Variants in MPP7 observed in about 807,000 individuals in gnomAD.
MPP7 encodes MAGUK p55 subfamily member 7.
Under a neutral mutation model 76.5 loss-of-function variants are expected in MPP7, and 60 were observed. The observed-to-expected ratio is 0.78, with a 90% CI of 0.64 to 0.97. The LOEUF (loss-of-function observed/expected upper bound fraction) is 0.97. Ranked by LOEUF, MPP7 falls within the 50% of genes least tolerant of loss-of-function variation. The probability of loss-of-function intolerance (pLI) is 0.00; values close to 1 mark genes in which losing one functional copy is unlikely to be tolerated. For missense variants in MPP7, 641 were observed against 694.0 expected (o/e 0.92, Z 0.86); for synonymous variants, 237 against 244.5 (o/e 0.97, Z 0.29).
At chr10:28,103,400 A>G (rs1175665988) in intron 11 of MPP7, among the ~76,000 whole-genome samples, 1 of 150,650 alleles carries the variant, frequency 6.6e-6, no homozygotes, top group Non-Finnish European at 1.5e-5. Context: ...GAACACATGC[A>G]TCCTGTCTCA....
upstream of MPP7, among the ~76,000 whole-genome samples, chr10:28,334,761 A>T (rs1030827871): frequency 3.9e-5 from 6 of 152,230 alleles, no homozygotes; most frequent in Non-Finnish European, 8.8e-5. Flanking sequence ...AGCTAAAGAC[A>T]GAGTGGGATT....
intron 2 of MPP7, among the ~76,000 whole-genome samples, chr10:28,232,442 G>C (rs2134115707): frequency 6.6e-6 from 1 of 151,868 alleles, no homozygotes; most frequent in Admixed American, 6.6e-5. Context: ...TTCTTTTAAA[G>C]AAAATAGTAC....
At chr10:28,283,089 G>A (rs1589026883) in intron 1 of MPP7, among the ~76,000 whole-genome samples, 1 of 152,048 alleles carries the variant, frequency 6.6e-6, no homozygotes, top group Non-Finnish European at 1.5e-5. Flanking sequence ...CTGGGAAGAG[G>A]TGCACGTTGG....
intron 3 of MPP7, among the ~76,000 whole-genome samples, chr10:28,177,900 T>C (rs1836930114): frequency 6.6e-6 from 1 of 152,142 alleles, no homozygotes; most frequent in South Asian, 2.1e-4. Flanking sequence ...CTCCTTTCCC[T>C]TGGCTGATCC....
chr10:28,303,854 T>C (rs930946290), upstream of MPP7, among the ~76,000 whole-genome samples: 2 of 152,220 alleles, frequency 1.3e-5, no homozygotes, highest in African/African-American at 2.4e-5. Context: ...TTTACATATG[T>C]GACCGAGGTG....
intron 8 of MPP7, among the ~76,000 whole-genome samples, chr10:28,123,755 A>G (rs1022465776): frequency 2.0e-5 from 3 of 152,024 alleles, no homozygotes; most frequent in Non-Finnish European, 4.4e-5. Context: ...TACAGATATA[A>G]GCCACCACAC....
chr10:28,281,525 T>C (rs1840670859), intron 1 of MPP7, among the ~76,000 whole-genome samples: 1 of 151,860 alleles, frequency 6.6e-6, no homozygotes, highest in Non-Finnish European at 1.5e-5. Flanking sequence ...ATTCTATGAG[T>C]AGGAAGAGAT....
chr10:28,305,272 G>A (rs182589994), upstream of MPP7: 1 of 152,348 alleles, frequency 6.6e-6, no homozygotes, highest in East Asian at 1.9e-4. Flanking sequence ...TACTAGACAG[G>A]TTGGAGAAGG....
chr10:28,106,485 G>A (rs755665231), intron 11 of MPP7, among the ~76,000 whole-genome samples: 11 of 152,098 alleles, frequency 7.2e-5, no homozygotes, highest in Non-Finnish European at 1.3e-4. Flanking sequence ...TTTAGCCAAC[G>A]GTTATTTAGA....
chr10:28,083,210 C>T (rs988415002), intron 12 of MPP7, among the ~76,000 whole-genome samples: 9 of 152,100 alleles, frequency 5.9e-5, no homozygotes, highest in African/African-American at 2.2e-4. Flanking sequence ...TCTGATACTT[C>T]CAATGTGCCA....
chr10:28,247,252 G>A (rs1189923548), intron 1 of MPP7, among the ~76,000 whole-genome samples: 1 of 152,148 alleles, frequency 6.6e-6, no homozygotes, highest in Non-Finnish European at 1.5e-5. Flanking sequence ...ACTGACAACA[G>A]ACTCATGTAA....
chr10:28,149,841 T>C (rs1397221262), intron 4 of MPP7, 141 bp downstream of exon 4: 2 of 533,460 alleles, frequency 3.7e-6, no homozygotes, highest in South Asian at 3.0e-5. Context: ...AGCTCAGTGA[T>C]GACAGGACTT....
At chr10:28,290,179 C>T (rs1840881711) in intron 1 of MPP7, among the ~76,000 whole-genome samples, 1 of 151,978 alleles carries the variant, frequency 6.6e-6, no homozygotes, top group Admixed American at 6.5e-5. Flanking sequence ...TAAAGATCTT[C>T]TATTAGTTTC....
At position 28,124,100 on chromosome 10, in the gene MPP7, A is replaced by G; in HGVS notation, c.546T>C (p.Gly182=). ...TCCCGTTGACTTCCCTAAGTTCATC[A>G]CCAACATGAATAAGACCTGAGAAAT... ...AADRSGLIHV[G]DELREVNGIP... The change falls in exon 8 of 17, where the codon GGT becomes GGC. Residue 182 remains glycine, a synonymous_variant. Transcript: ENST00000683449. 2 of 1,610,104 alleles carry G rather than the reference A, an allele frequency of 1.2e-6. No individual in the cohort carries two copies. The highest frequency in any genetic ancestry group is 1.3e-5 in the African/African-American group (1 of 74,996).
intron 1 of MPP7, among the ~76,000 whole-genome samples, chr10:28,290,466 A>G (rs1840890075): frequency 6.6e-6 from 1 of 151,814 alleles, no homozygotes; most frequent in South Asian, 2.1e-4. Context: ...GTCATTTTTA[A>G]TCAGATTTTG....
intron 1 of MPP7, among the ~76,000 whole-genome samples, chr10:28,247,276 G>A (rs765993805): frequency 2.6e-5 from 4 of 152,094 alleles, no homozygotes; most frequent in Non-Finnish European, 5.9e-5. Context: ...GTCTAGTTTT[G>A]TCAGTTTCCT....
intron 2 of MPP7, among the ~76,000 whole-genome samples, chr10:28,312,305 C>T (rs1240550407): frequency 5.3e-5 from 8 of 152,154 alleles, no homozygotes; most frequent in Admixed American, 1.3e-4. Flanking sequence ...TTACAGAGCA[C>T]TGATTGGTGC....
At chr10:28,333,713 T>A (rs1441974645) in intron 1 of MPP7, among the ~76,000 whole-genome samples, 1 of 152,174 alleles carries the variant, frequency 6.6e-6, no homozygotes, top group Non-Finnish European at 1.5e-5. Flanking sequence ...CAGTTTCCAT[T>A]TGAAAAGAGA....
At chr10:28,226,976 A>C (rs2134092461) in intron 2 of MPP7, among the ~76,000 whole-genome samples, 1 of 152,348 alleles carries the variant, frequency 6.6e-6, no homozygotes, top group South Asian at 2.1e-4. Flanking sequence ...TTACCATTAA[A>C]GGAAGCTACT....
Sources: allele counts gnomAD v4.1 joint callset (sites outside exome capture counted in the v4.1 genomes callset), GRCh38; gene constraint gnomAD v4.1.1; transcripts MANE v1.5; gene names NCBI Gene and HGNC (gene_info 2026-07-23, HGNC 2026-07-21).